FMN1: variants seen among roughly 807,000 people sequenced by gnomAD.
FMN1 encodes the protein formin-1.
In FMN1, 110 loss-of-function variants were observed where a neutral mutation model predicts 132.4. That is an observed-to-expected ratio of 0.83 (90% CI 0.71 to 0.97). The LOEUF (loss-of-function observed/expected upper bound fraction) is 0.97. Ranked by LOEUF, FMN1 falls within the 50% of genes least tolerant of loss-of-function variation. The pLI, the probability that FMN1 is intolerant of heterozygous loss-of-function variation, is 0.00. For synonymous variants in FMN1, 722 were observed against 651.7 expected (o/e 1.11, Z -1.64); for missense variants, 1,792 against 1,705.3 (o/e 1.05, Z -0.90).
At chr15:33,062,392 C>CG (rs1336518530) in intron 6 of FMN1, among the ~76,000 whole-genome samples, 2 of 152,044 alleles carry the variant, frequency 1.3e-5, no homozygotes, top group African/African-American at 4.8e-5. Flanking sequence ...GAGGTCGAGG[C>CG]GGGGGGATCA....
At chr15:32,977,666 G>A (rs1167614606) in intron 7 of FMN1, among the ~76,000 whole-genome samples, 1 of 151,964 alleles carries the variant, frequency 6.6e-6, no homozygotes, top group Non-Finnish European at 1.5e-5. Flanking sequence ...CAAGACTCTC[G>A]TATCACTTTG....
chr15:33,116,368 A>G (rs1307995859), intron 4 of FMN1, among the ~76,000 whole-genome samples: 1 of 152,190 alleles, frequency 6.6e-6, no homozygotes, highest in Non-Finnish European at 1.5e-5. Flanking sequence ...AATCCGAGGC[A>G]GCCAACTGTT....
intron 7 of FMN1, among the ~76,000 whole-genome samples, chr15:32,984,566 T>A (rs950112668): frequency 3.9e-5 from 6 of 152,142 alleles, no homozygotes; most frequent in African/African-American, 1.2e-4. Context: ...ACACTCTGAG[T>A]AACAATGAAG....
At position 32,968,960 on chromosome 15, in the gene FMN1, G is replaced by A. The variant is rs373178662; in HGVS notation, c.2741C>T (p.Pro914Leu). The change falls in exon 8 of 21, where the codon CCT becomes CTT. Residue 914 changes from proline (P) to leucine (L), a missense_variant. Physicochemically the swap from Pro to Leu is moderately conservative, Grantham distance 98. Transcript: ENST00000616417. ...PPPPPPPPPL[P>L]PPSSAGPPPP... The stretch of plus-strand genomic sequence containing the variant: ...TGGAGGTCCAGCACTTGAAGGTGGA[G>A]GTAGAGGTGGCGGTGGAGGAGGCGG... 85 of 922,730 alleles carry A rather than the reference G, an allele frequency of 9.2e-5. 1 individual carries two copies. In the East Asian group the frequency reaches 1.3e-3, roughly 14 times the overall value. The allele number at this position is 922,730 out of a possible 1,614,324, so 57.2% of individuals were successfully genotyped here.
intron 6 of FMN1, among the ~76,000 whole-genome samples, chr15:33,056,761 T>C (rs1021305820): frequency 1.3e-5 from 2 of 152,184 alleles, no homozygotes; most frequent in African/African-American, 2.4e-5. Flanking sequence ...AATGGAATAC[T>C]ATAGGGGAAT....
intron 16 of FMN1, among the ~76,000 whole-genome samples, chr15:32,866,395 A>G (rs1350216139): frequency 6.6e-6 from 1 of 152,166 alleles, no homozygotes; most frequent in Non-Finnish European, 1.5e-5. Flanking sequence ...AAACATGTGA[A>G]AAAAAAGCAT....
chr15:33,017,078 G>A (rs571039163), intron 6 of FMN1, among the ~76,000 whole-genome samples: 2 of 152,104 alleles, frequency 1.3e-5, no homozygotes, highest in Admixed American at 6.5e-5. Context: ...TGGGGTGGCT[G>A]GGGTTCACCC....
At chr15:32,938,762 A>G (rs1422340656) in intron 9 of FMN1, among the ~76,000 whole-genome samples, 1 of 152,212 alleles carries the variant, frequency 6.6e-6, no homozygotes, top group African/African-American at 2.4e-5. Context: ...GGTATTACCA[A>G]TTTTAAAACT....
intron 14 of FMN1, 30 bp downstream of exon 14, chr15:32,899,949 T>C (rs748180153): frequency 1.2e-6 from 2 of 1,605,398 alleles, no homozygotes; most frequent in South Asian, 1.1e-5. Context: ...TAATGGCAGA[T>C]CATGGGAACT....
intron 4 of FMN1, among the ~76,000 whole-genome samples, chr15:33,099,578 A>C (rs1214223667): frequency 6.6e-6 from 1 of 152,212 alleles, no homozygotes. Flanking sequence ...CCCTAAAAGA[A>C]GACAGTGATG....
intron 9 of FMN1, among the ~76,000 whole-genome samples, chr15:32,934,619 G>T (rs62000620): frequency 1.9e-4 from 26 of 139,594 alleles, no homozygotes; most frequent in Non-Finnish European, 2.1e-4. Flanking sequence ...TTTTTTTTGG[G>T]TGGGGAGGAC....
chr15:33,075,668 GA>G, intron 5 of FMN1, among the ~76,000 whole-genome samples: 1 of 151,848 alleles, frequency 6.6e-6, no homozygotes, highest in South Asian at 2.1e-4. Context: ...TCAGTTATTT[GA>G]GAGAAAAAAA....
At chr15:32,831,306 C>T (rs907573993) in intron 17 of FMN1, among the ~76,000 whole-genome samples, 2 of 151,876 alleles carry the variant, frequency 1.3e-5, no homozygotes, top group African/African-American at 4.8e-5. Context: ...CAACCTCCAC[C>T]TCCTGGATTC....
chr15:32,786,163 G>A (rs946293044), intron 19 of FMN1, among the ~76,000 whole-genome samples: 10 of 152,268 alleles, frequency 6.6e-5, no homozygotes, highest in African/African-American at 1.9e-4. Context: ...CAGGAGTTCA[G>A]AATCTCTCTA....
rs1382991167 is a variant in FMN1, at chr15:32,823,543, G to T, written c.3929-19211C>A. On this transcript the variant is annotated intron_variant, in intron 17 of 20. Coordinates refer to ENST00000616417, the MANE Select transcript of FMN1 (RefSeq NM_001277313.2). ...GCAGAATGAGAAAATTCTCACAAAT[G>T]CCGTTATTCCAAGAAAACTGCTTAA... Among the ~76,000 whole-genome samples, 8 of 152,160 alleles carry T rather than the reference G, an allele frequency of 5.3e-5. No homozygotes were observed. In the Middle Eastern group the frequency reaches 0.02, roughly 388 times the overall value.
At chr15:33,166,657 G>A (rs1328094047) in intron 3 of FMN1, among the ~76,000 whole-genome samples, 1 of 152,138 alleles carries the variant, frequency 6.6e-6, no homozygotes, top group Non-Finnish European at 1.5e-5. Context: ...TGTTGTTCAG[G>A]GAGAGATACT....
rs193222631 is a variant in FMN1, at chr15:33,104,440, G to C, written c.1868-15466C>G. Among the ~76,000 whole-genome samples the C allele has an allele frequency of 4.1e-3, 626 of 152,124 alleles. 6 individuals are homozygous for C. Among genetic ancestry groups the C allele is most frequent in the Non-Finnish European group, 4.9e-3 (332 of 67,990 alleles). ...CAAATAATTTATTTTCTTTTTATTT[G>C]AAATGACAATTATATGTATTACTGA... is the stretch of plus-strand genomic sequence containing the variant. On this transcript the variant is annotated intron_variant, in intron 4 of 20. Coordinates refer to ENST00000616417, the MANE Select transcript of FMN1 (RefSeq NM_001277313.2).
chr15:33,001,165 T>A lies in FMN1; in HGVS notation c.2223+6849A>T, dbSNP rs1219366014. Among the ~76,000 whole-genome samples the A allele has an allele frequency of 4.6e-5, 7 of 152,206 alleles. No individual in the cohort carries two copies. The East Asian group carries it at 1.4e-3, about 29-fold the overall frequency. On this transcript the variant is annotated intron_variant, in intron 7 of 20. Coordinates refer to ENST00000616417, the MANE Select transcript of FMN1 (RefSeq NM_001277313.2). ...GGATGTGGTAGCACATGCTTGTAAT[T>A]CCAGCTACTCAAGAGGCTGAGGCAA...
intron 17 of FMN1, among the ~76,000 whole-genome samples, chr15:32,850,638 G>C (rs149777961): frequency 4.4e-3 from 674 of 152,302 alleles, no homozygotes; most frequent in African/African-American, 0.015. Context: ...GACAGGCTGA[G>C]CCTATATGAT....
Sources: allele counts gnomAD v4.1 joint callset (sites outside exome capture counted in the v4.1 genomes callset), GRCh38; gene constraint gnomAD v4.1.1; transcripts MANE v1.5; gene names NCBI Gene and HGNC (gene_info 2026-07-23, HGNC 2026-07-21).